The following CPNE4 variants were observed in gnomAD, a reference collection of about 807,000 sequenced individuals.
The protein encoded by CPNE4 is copine-4.
A neutral mutation model predicts 67.9 loss-of-function variants in CPNE4; 25 were observed. The observed-to-expected ratio is 0.37, with a 90% confidence interval of 0.27 to 0.51. The LOEUF (loss-of-function observed/expected upper bound fraction) is 0.51, where lower values mean the gene tolerates loss of function less well. Ranked by LOEUF, CPNE4 falls within the 20% of genes least tolerant of loss-of-function variation. CPNE4 has a pLI of 0.93. For synonymous variants in CPNE4, 242 were observed against 244.9 expected (o/e 0.99, Z 0.11); for missense variants, 464 against 690.8 (o/e 0.67, Z 3.68).
intron 1 of CPNE4, among the ~76,000 whole-genome samples, chr3:131,916,790 C>CT (rs931394576): frequency 1.2e-4 from 18 of 152,242 alleles, no homozygotes; most frequent in African/African-American, 4.1e-4. Context: ...TTTTAATTAA[C>CT]TTTTTTAATT....
chr3:131,746,423 T>G lies in CPNE4; in HGVS notation c.181-22798A>C, dbSNP rs143942406. Among the ~76,000 whole-genome samples the G allele has an allele frequency of 7.5e-3, 1,148 of 152,164 alleles. 10 individuals are homozygous for G. The highest frequency in any genetic ancestry group is 0.02 in the Admixed American group (307 of 15,266). ...GCTGAACAATCTCTCTCCAAGGCCT[T>G]CTCTCCCCTCTTCTCCCCATCCTCT... On this transcript the variant is annotated intron_variant, in intron 2 of 15. Coordinates refer to ENST00000429747, the MANE Select transcript of CPNE4 (RefSeq NM_130808.3).
chr3:131,855,398 A>G (rs1408267399), intron 2 of CPNE4, among the ~76,000 whole-genome samples: 1 of 152,014 alleles, frequency 6.6e-6, no homozygotes, highest in African/African-American at 2.4e-5. Flanking sequence ...AAGGGTGCCC[A>G]TCTACAGCTT....
chr3:131,613,347 C>T (rs952397095), intron 7 of CPNE4, among the ~76,000 whole-genome samples: 22 of 152,054 alleles, frequency 1.4e-4, no homozygotes, highest in Non-Finnish European at 1.5e-5. Context: ...TCACTAAAGC[C>T]CCAAGATCAG....
At chr3:131,606,903 T>C (rs1939543079) in intron 7 of CPNE4, among the ~76,000 whole-genome samples, 1 of 151,968 alleles carries the variant, frequency 6.6e-6, no homozygotes, top group Admixed American at 6.6e-5. Flanking sequence ...GCTTATTTTC[T>C]ACATCACTTA....
intron 2 of CPNE4, among the ~76,000 whole-genome samples, chr3:131,797,352 T>C (rs1477036044): frequency 6.6e-6 from 1 of 152,134 alleles, no homozygotes; most frequent in Non-Finnish European, 1.5e-5. Context: ...TCCATGATTT[T>C]TGAAGCATGA....
At chr3:131,544,334 AT>A (rs547386332) in intron 14 of CPNE4, among the ~76,000 whole-genome samples, 2 of 152,078 alleles carry the variant, frequency 1.3e-5, no homozygotes, top group East Asian at 1.9e-4. Flanking sequence ...AAAGAATTTC[AT>A]TTTTTTTCTG....
chr3:131,830,496 A>AT lies in CPNE4; in HGVS notation c.180+74767dup, dbSNP rs1356679115. On this transcript the variant is annotated intron_variant, in intron 2 of 15. Coordinates refer to ENST00000429747, the MANE Select transcript of CPNE4 (RefSeq NM_130808.3). Reference sequence around the variant, plus strand: ...CTACAACTACTCAGGTCTCCTTGATATTTTTTGAACTTCTCCCTTGGGACT... The same window carrying AT: ...CTACAACTACTCAGGTCTCCTTGATATTTTTTTGAACTTCTCCCTTGGGACT... Among the ~76,000 whole-genome samples the AT allele has an allele frequency of 2.0e-5, 3 of 152,112 alleles. No homozygotes were observed. In the East Asian group the frequency reaches 5.8e-4, roughly 29 times the overall value.
At chr3:132,002,711 A>G (rs990976404) in intron 1 of CPNE4, among the ~76,000 whole-genome samples, 3 of 152,120 alleles carry the variant, frequency 2.0e-5, no homozygotes, top group African/African-American at 7.2e-5. Flanking sequence ...TAAAAAGCAA[A>G]AACAAAAACA....
At chr3:131,676,801 A>G (rs989990992) in intron 6 of CPNE4, among the ~76,000 whole-genome samples, 2 of 152,038 alleles carry the variant, frequency 1.3e-5, no homozygotes, top group Non-Finnish European at 2.9e-5. Flanking sequence ...ATTTGGGTTG[A>G]TTCCATGTTT....
chr3:132,008,750 A>T (rs1335285476), intron 1 of CPNE4, among the ~76,000 whole-genome samples: 2 of 152,068 alleles, frequency 1.3e-5, no homozygotes, highest in Non-Finnish European at 2.9e-5. Context: ...CCAAAAACTT[A>T]TGTTTTTTTT....
intron 2 of CPNE4, among the ~76,000 whole-genome samples, chr3:131,751,164 T>A (rs116027178): frequency 0.026 from 3,888 of 152,270 alleles, 84 homozygotes; most frequent in Non-Finnish European, 0.034. Context: ...GTTTCACTCA[T>A]CTTGTTGAAG....
chr3:131,961,731 C>A (rs1417331743), intron 1 of CPNE4, among the ~76,000 whole-genome samples: 1 of 152,108 alleles, frequency 6.6e-6, no homozygotes, highest in Non-Finnish European at 1.5e-5. Flanking sequence ...GGCTCATGGT[C>A]CCACATTACA....
chr3:131,924,291 T>C (rs767097946), intron 1 of CPNE4, among the ~76,000 whole-genome samples: 4 of 151,746 alleles, frequency 2.6e-5, no homozygotes, highest in Non-Finnish European at 5.9e-5. Flanking sequence ...GAAGAAGGAG[T>C]GGGAGGGATA....
chr3:131,663,545 G>A (rs776499746), intron 7 of CPNE4, among the ~76,000 whole-genome samples: 12 of 152,070 alleles, frequency 7.9e-5, no homozygotes, highest in Non-Finnish European at 1.2e-4. Context: ...ATTTCTCAAT[G>A]TGTGTTTGGC....
chr3:131,966,762 C>T (rs1011550673), intron 1 of CPNE4, among the ~76,000 whole-genome samples: 2 of 152,066 alleles, frequency 1.3e-5, no homozygotes, highest in Non-Finnish European at 2.9e-5. Context: ...AAAAAAAGCC[C>T]AAGACCAGAC....
intron 7 of CPNE4, among the ~76,000 whole-genome samples, chr3:131,587,946 G>A (rs1221824742): frequency 6.6e-6 from 1 of 152,204 alleles, no homozygotes; most frequent in African/African-American, 2.4e-5. Context: ...TTTAGGCATA[G>A]CAGGTAGCCT....
At chr3:131,768,342 T>C (rs1396989549) in intron 2 of CPNE4, among the ~76,000 whole-genome samples, 1 of 152,118 alleles carries the variant, frequency 6.6e-6, no homozygotes, top group African/African-American at 2.4e-5. Context: ...CAGCAGAGAC[T>C]TGAAAAAATA....
chr3:131,814,490 C>G (rs1476694977), intron 2 of CPNE4, among the ~76,000 whole-genome samples: 3 of 147,536 alleles, frequency 2.0e-5, no homozygotes, highest in Admixed American at 2.0e-4. Context: ...ACTAGGAATA[C>G]TTGACAAACA....
chr3:131,946,647 C>G (rs2071560027), intron 1 of CPNE4, among the ~76,000 whole-genome samples: 1 of 152,070 alleles, frequency 6.6e-6, no homozygotes, highest in African/African-American at 2.4e-5. Flanking sequence ...AGATATCAGA[C>G]CTTTATCTAA....
Sources: allele counts gnomAD v4.1 joint callset (sites outside exome capture counted in the v4.1 genomes callset), GRCh38; gene constraint gnomAD v4.1.1; transcripts MANE v1.5; gene names NCBI Gene and HGNC (gene_info 2026-07-23, HGNC 2026-07-21).